SEC14L1: variants seen among roughly 807,000 people sequenced by gnomAD.
SEC14L1 encodes the protein SEC14 like lipid binding 1.
Under a neutral mutation model 85.3 loss-of-function variants are expected in SEC14L1, and 48 were observed. The observed-to-expected ratio is 0.56, with a 90% CI of 0.45 to 0.72. SEC14L1 has a LOEUF of 0.72. SEC14L1 is among the 30% of genes least tolerant of loss of function. SEC14L1 has a pLI of 0.00. For synonymous variants in SEC14L1, 391 were observed against 355.5 expected, an observed-to-expected ratio of 1.10 and a Z score of -1.12; for missense variants, 682 against 921.4, an observed-to-expected ratio of 0.74 and a Z score of 3.36.
chr17:77,094,134 C>T (rs1450106427), intron 3 of SEC14L1: 1 of 152,120 alleles, frequency 6.6e-6, no homozygotes. Context: ...TCCTCCGCCT[C>T]CCGGGTTCAA....
Position 77,216,186 on chromosome 17 carries a change from T to C in SEC14L1, c.*2163T>C, listed in dbSNP as rs111174314. ...TCGTAGGTAGGGCTAGTAGGTAGGG[T>C]TAGTAGGTAGGGCTAGTAGGTAGGG... is the stretch of plus-strand genomic sequence containing the variant. On this transcript the variant is annotated 3_prime_UTR_variant, in exon 17 of 17. Transcript: ENST00000436233. The C allele has an allele frequency of 6.8e-5, 50 of 738,652 alleles. 4 individuals carry two copies. Among genetic ancestry groups the C allele is most frequent in the South Asian group, 1.3e-4 (3 of 23,480 alleles). 45.8% of individuals were successfully genotyped at this position (738,652 alleles called of 1,614,324 possible).
chr17:77,191,258 T>C lies in SEC14L1; in HGVS notation c.291T>C (p.Ala97=), dbSNP rs1279796254. The part of the protein sequence containing the change: ...NSRERTLHIE[A]YNETFSNRVI... ...GGGAACGTACTTTGCACATTGAGGCTTATAATGAAACGTTTTCCAATCGGG... is the reference window on the plus strand; with the variant it reads ...GGGAACGTACTTTGCACATTGAGGCCTATAATGAAACGTTTTCCAATCGGG... The change falls in exon 5 of 17, where the codon GCT becomes GCC. Residue 97 remains alanine (A), a synonymous_variant. Transcript: ENST00000436233. 1 of 1,614,156 alleles carries C rather than the reference T, an allele frequency of 6.2e-7. No homozygotes were observed. Among genetic ancestry groups the C allele is most frequent in the South Asian group, 1.1e-5 (1 of 91,086 alleles).
chr17:77,215,062 CGT>C lies in SEC14L1; in HGVS notation c.*1051_*1052del, dbSNP rs78977258. The C allele has an allele frequency of 6.1e-6, 6 of 982,500 alleles. No homozygotes were observed. Among genetic ancestry groups the C allele is most frequent in the East Asian group, 1.1e-4 (1 of 8,752 alleles). The allele number at this position is 982,500 out of a possible 1,614,324, so 60.9% of individuals were successfully genotyped here. A position where few individuals can be genotyped will look rare whatever the true frequency, so the allele number is the denominator to read the frequency against. ...TGTACATGGGAATTGTGGACTCATGCGTGTGTGTGTGTGCATGTGCTGTGTGT... is the reference window on the plus strand; with the variant it reads ...TGTACATGGGAATTGTGGACTCATGCGTGTGTGTGTGCATGTGCTGTGTGT... On this transcript the variant is annotated 3_prime_UTR_variant, in exon 17 of 17. Transcript: ENST00000436233.
intron 3 of SEC14L1, among the ~76,000 whole-genome samples, chr17:77,108,184 A>G (rs577924065): frequency 5.3e-5 from 8 of 152,270 alleles, no homozygotes; most frequent in African/African-American, 1.9e-4. Context: ...GTGCTGCCAT[A>G]TAAATGTGCT....
At chr17:77,195,920 A>G (rs1288664771) in intron 7 of SEC14L1, among the ~76,000 whole-genome samples, 1 of 152,122 alleles carries the variant, frequency 6.6e-6, no homozygotes, top group Non-Finnish European at 1.5e-5. Context: ...ATTAATATCT[A>G]TTATAGTCAT....
At chr17:77,175,210 G>A (rs1236368349) in intron 3 of SEC14L1, among the ~76,000 whole-genome samples, 2 of 152,194 alleles carry the variant, frequency 1.3e-5, no homozygotes, top group African/African-American at 2.4e-5. Flanking sequence ...CATCTCTGGC[G>A]CTAGTATTGT....
chr17:77,203,545 A>G (rs1976290683), intron 9 of SEC14L1, 25 bp from the exon 10 acceptor site: 1 of 1,598,840 alleles, frequency 6.3e-7, no homozygotes, highest in South Asian at 1.1e-5. Flanking sequence ...GGTGCTGACA[A>G]CTCATTCCTT....
At chr17:77,202,189 A>G (rs944622719) in intron 9 of SEC14L1, among the ~76,000 whole-genome samples, 17 of 152,194 alleles carry the variant, frequency 1.1e-4, no homozygotes, top group African/African-American at 4.1e-4. Flanking sequence ...TCCAGGCTAT[A>G]AAGAAGTAGA....
intron 2 of SEC14L1, among the ~76,000 whole-genome samples, chr17:77,092,967 A>G (rs971071250): frequency 3.0e-4 from 46 of 151,872 alleles, no homozygotes; most frequent in African/African-American, 8.2e-4. Flanking sequence ...AAAAAAAAAA[A>G]AAAAAAGAAA....
chr17:77,117,797 G>A lies in SEC14L1; in HGVS notation c.-136+24450G>A, dbSNP rs551778452. ...TATTATCTCCTGTGCCTCCTTCTTC[G>A]TTCCCACCACTTTAAGGGAGACTAT... is the stretch of plus-strand genomic sequence containing the variant. On this transcript the variant is annotated intron_variant, in intron 3 of 19. Transcript: ENST00000392476. Among the ~76,000 whole-genome samples the A allele has an allele frequency of 7.9e-5, 12 of 152,230 alleles. No homozygotes were observed. The East Asian group carries it at 1.5e-3, about 20-fold the overall frequency.
rs1229258712 is a variant in SEC14L1 at position 77,110,936 on chromosome 17, G to A, written c.-136+17589G>A. Among the ~76,000 whole-genome samples, 3 of 147,932 alleles carry A rather than the reference G, an allele frequency of 2.0e-5. No individual in the cohort carries two copies. The East Asian group carries it at 6.0e-4, about 30-fold the overall frequency. On this transcript the variant is annotated intron_variant, in intron 3 of 19. Transcript: ENST00000392476. ...GGGCTGGGCACAGTGGCTCACTCCTGTAATCCCAGCACTTTGGGAGGCCGA... is the reference window on the plus strand; with the variant it reads ...GGGCTGGGCACAGTGGCTCACTCCTATAATCCCAGCACTTTGGGAGGCCGA...
At chr17:77,116,226 C>T (rs1357796358) in intron 3 of SEC14L1, among the ~76,000 whole-genome samples, 1 of 152,110 alleles carries the variant, frequency 6.6e-6, no homozygotes, top group Non-Finnish European at 1.5e-5. Flanking sequence ...GGCTGACATA[C>T]ATATTTTTAA....
intron 3 of SEC14L1, among the ~76,000 whole-genome samples, chr17:77,186,347 G>T (rs1356007183): frequency 2.0e-5 from 3 of 152,194 alleles, no homozygotes; most frequent in Admixed American, 1.3e-4. Context: ...AACGCTCTCC[G>T]CCTCGCTGGC....
chr17:77,137,782 T>G (rs1972839371), upstream of SEC14L1, among the ~76,000 whole-genome samples: 1 of 152,232 alleles, frequency 6.6e-6, no homozygotes, highest in Non-Finnish European at 1.5e-5. Context: ...AAAAAGCATT[T>G]ATTGTAACAA....
intron 3 of SEC14L1, among the ~76,000 whole-genome samples, chr17:77,154,223 T>C (rs1973701195): frequency 6.6e-6 from 1 of 152,092 alleles, no homozygotes. Flanking sequence ...GTAATCCCAG[T>C]GCTTTGGGAG....
In SEC14L1 at chr17:77,216,331, AGTAG is replaced by A. The variant is rs752150343; in HGVS notation, c.*2314_*2317del. The A allele has an allele frequency of 6.0e-6, 8 of 1,323,082 alleles. 1 individual carries two copies. The Admixed American group carries it at 1.2e-4, about 19-fold the overall frequency. The allele number at this position is 1,323,082 out of a possible 1,614,324, so 82.0% of individuals were successfully genotyped here. ...GTAGGTAGGGCTAGTAGGTAGGGCT[AGTAG>A]GTAGGGTTAGTAGGTAGGGCTAGTA... On this transcript the variant is annotated 3_prime_UTR_variant, in exon 17 of 17. Transcript: ENST00000436233.
chr17:77,198,636 G>A (rs1339620545), intron 8 of SEC14L1, among the ~76,000 whole-genome samples: 12 of 150,896 alleles, frequency 8.0e-5, no homozygotes, highest in African/African-American at 1.2e-4. Context: ...GTGCAGTGGC[G>A]CGATCTCGGC....
intron 3 of SEC14L1, among the ~76,000 whole-genome samples, chr17:77,110,030 C>A (rs1441585645): frequency 6.6e-6 from 1 of 152,212 alleles, no homozygotes; most frequent in Non-Finnish European, 1.5e-5. Context: ...ATAGTTGGAA[C>A]TGACTTCAGG....
At chr17:77,106,366 T>C (rs1199089340) in intron 3 of SEC14L1, among the ~76,000 whole-genome samples, 2 of 152,082 alleles carry the variant, frequency 1.3e-5, no homozygotes, top group Non-Finnish European at 2.9e-5. Flanking sequence ...ACCCCGTCTC[T>C]ACTAAAAATA....
Sources: allele counts gnomAD v4.1 joint callset (sites outside exome capture counted in the v4.1 genomes callset), GRCh38; gene constraint gnomAD v4.1.1; transcripts MANE v1.5; gene names NCBI Gene and HGNC (gene_info 2026-07-23, HGNC 2026-07-21).